SCFD1: variants seen among roughly 807,000 people sequenced by gnomAD.
SCFD1 encodes sec1 family domain-containing protein 1.
A neutral mutation model predicts 103.2 loss-of-function variants in SCFD1; 37 were observed. That is an observed-to-expected ratio of 0.36 (90% CI 0.28 to 0.47). The LOEUF is 0.47. Ranked by LOEUF, SCFD1 falls within the 20% of genes least tolerant of loss-of-function variation. The probability of loss-of-function intolerance (pLI) is 1.00; values close to 1 mark genes in which losing one functional copy is unlikely to be tolerated. For synonymous variants in SCFD1, 264 were observed against 245.0 expected (o/e 1.08, Z -0.73); for missense variants, 639 against 761.2 (o/e 0.84, Z 1.89).
intron 14 of SCFD1, among the ~76,000 whole-genome samples, chr14:30,682,364 A>G (rs1889557458): frequency 1.3e-5 from 2 of 152,258 alleles, no homozygotes; most frequent in South Asian, 4.1e-4. Context: ...CAACAAGTAA[A>G]TATTTTCAGT....
At chr14:30,693,202 C>G (rs547809822) in intron 14 of SCFD1, among the ~76,000 whole-genome samples, 2 of 152,016 alleles carry the variant, frequency 1.3e-5, no homozygotes, top group Admixed American at 6.6e-5. Flanking sequence ...AAGGAAAGGG[C>G]AGAAAAGTAC....
intron 23 of SCFD1, among the ~76,000 whole-genome samples, chr14:30,726,800 G>A (rs944804276): frequency 2.0e-5 from 3 of 152,086 alleles, no homozygotes; most frequent in African/African-American, 7.2e-5. Flanking sequence ...TCAACAACCA[G>A]TAGGTCATTA....
At chr14:30,690,766 G>A (rs1406986667) in intron 14 of SCFD1, among the ~76,000 whole-genome samples, 3 of 151,912 alleles carry the variant, frequency 2.0e-5, no homozygotes, top group South Asian at 2.1e-4. Flanking sequence ...GAAATCACCC[G>A]TCTTCTGCGT....
intron 10 of SCFD1, among the ~76,000 whole-genome samples, chr14:30,663,347 T>G (rs749776920): frequency 6.6e-6 from 1 of 152,220 alleles, no homozygotes; most frequent in Non-Finnish European, 1.5e-5. Flanking sequence ...CAATATCTTT[T>G]ATTTTGTTAG....
intron 10 of SCFD1, among the ~76,000 whole-genome samples, chr14:30,655,331 A>G (rs1197259479): frequency 1.3e-5 from 2 of 152,214 alleles, no homozygotes; most frequent in Non-Finnish European, 2.9e-5. Flanking sequence ...GATGGCTACA[A>G]TGAAGAGAGG....
chr14:30,708,210 G>A, intron 19 of SCFD1, 145 bp downstream of exon 19: 1 of 603,790 alleles, frequency 1.7e-6, no homozygotes, highest in Admixed American at 2.7e-5. Flanking sequence ...TTTAAGTTCT[G>A]GGGTACATGT....
intron 14 of SCFD1, 35 bp from the exon 15 acceptor site, chr14:30,694,736 CTT>C (rs775497556): frequency 1.0e-5 from 16 of 1,547,204 alleles, no homozygotes; most frequent in East Asian, 4.7e-5. Context: ...ATTTTAATGA[CTT>C]AATATATTCT....
chr14:30,732,463 T>G (rs962002134), intron 23 of SCFD1, among the ~76,000 whole-genome samples: 1 of 152,186 alleles, frequency 6.6e-6, no homozygotes, highest in African/African-American at 2.4e-5. Flanking sequence ...GCTACTAAGC[T>G]CCCCAGTTTA....
At chr14:30,653,995 G>A (rs1384913154) in intron 10 of SCFD1, 2 of 153,138 alleles carry the variant, frequency 1.3e-5, no homozygotes, top group African/African-American at 2.4e-5. Context: ...AAAAAAAATA[G>A]TATTTTTTAT....
At chr14:30,734,664 T>C (rs2273516) in intron 23 of SCFD1, 126 bp from the exon 24 acceptor site, 24,138 of 725,982 alleles carry the variant, frequency 0.033, 671 homozygotes, top group Admixed American at 0.091. Flanking sequence ...TATACTAAAA[T>C]CCAACAGTAT....
Position 30,722,493 on chromosome 14 carries a change from G to T in SCFD1, c.1771-1G>T. On this transcript the variant is annotated splice_acceptor_variant, in intron 22 of 24. Coordinates refer to ENST00000458591, the MANE Select transcript of SCFD1 (RefSeq NM_016106.4). LOFTEE classifies it high-confidence loss of function. The stretch of plus-strand genomic sequence containing the variant: ...TTTTTTTTAATCTGTTTGCATTTTA[G>T]GCCATTGTTTTTGTGGTGGGAGGAG... The T allele has an allele frequency of 6.3e-7, 1 of 1,587,508 alleles. No homozygotes were observed. The highest frequency in any genetic ancestry group is 8.6e-7 in the Non-Finnish European group (1 of 1,165,348).
intron 10 of SCFD1, among the ~76,000 whole-genome samples, chr14:30,657,552 A>G (rs1887027661): frequency 6.6e-6 from 1 of 152,222 alleles, no homozygotes; most frequent in Non-Finnish European, 1.5e-5. Context: ...TCACATAAAA[A>G]GTTGGGAATC....
intron 1 of SCFD1, among the ~76,000 whole-genome samples, chr14:30,627,644 G>A (rs919881204): frequency 6.6e-6 from 1 of 151,436 alleles, no homozygotes; most frequent in Non-Finnish European, 1.5e-5. Context: ...TACTCGGGAG[G>A]CTGAAGCAGA....
At chr14:30,640,485 A>C (rs1012115954) in intron 6 of SCFD1, among the ~76,000 whole-genome samples, 1 of 152,158 alleles carries the variant, frequency 6.6e-6, no homozygotes, top group Non-Finnish European at 1.5e-5. Flanking sequence ...TTTAAATTGA[A>C]TATGAATTGT....
At chr14:30,634,165 G>T in intron 4 of SCFD1, 128 bp downstream of exon 4, 1 of 587,164 alleles carries the variant, frequency 1.7e-6, no homozygotes. Context: ...TGATTTTTGA[G>T]ACTATCTTTG....
At chr14:30,645,339 A>T (rs925119779) in intron 7 of SCFD1, among the ~76,000 whole-genome samples, 1 of 152,080 alleles carries the variant, frequency 6.6e-6, no homozygotes, top group Non-Finnish European at 1.5e-5. Flanking sequence ...GTTCTGTATG[A>T]CTTTTAGAAA....
rs556223801 is a variant in SCFD1 at position 30,643,150 on chromosome 14, G to A, written c.524-166G>A. On this transcript the variant is annotated intron_variant, in intron 6 of 24. Transcript: ENST00000458591. Reference sequence around the variant, plus strand: ...ATCATGTCTCTGCACTCCCTCCTGGGTGACAGAGCAAGATCCTGTCTGAAA... The same window carrying A: ...ATCATGTCTCTGCACTCCCTCCTGGATGACAGAGCAAGATCCTGTCTGAAA... Among the ~76,000 whole-genome samples the A allele has an allele frequency of 5.3e-5, 8 of 152,146 alleles. No homozygotes were observed. The South Asian group carries it at 1.7e-3, about 32-fold the overall frequency.
intron 14 of SCFD1, chr14:30,683,498 GT>G: frequency 2.9e-6 from 1 of 341,232 alleles, no homozygotes; most frequent in Non-Finnish European, 5.6e-6. Flanking sequence ...AGCTCCTGTT[GT>G]TTTGCCCATG....
chr14:30,693,494 T>A (rs1428803793), intron 14 of SCFD1, among the ~76,000 whole-genome samples: 1 of 152,234 alleles, frequency 6.6e-6, no homozygotes, highest in East Asian at 1.9e-4. Flanking sequence ...CTCTGATTTC[T>A]TGTTGCTCCA....
Sources: gnomAD v4.1 joint callset for allele counts (sites outside exome capture counted in the v4.1 genomes callset) on GRCh38, gnomAD v4.1.1 for gene constraint, MANE v1.5 for transcripts, NCBI Gene and HGNC (gene_info 2026-07-23, HGNC 2026-07-21) for gene names.